GALNT16: variants seen among roughly 807,000 people sequenced by gnomAD.
GALNT16 encodes UDP-GalNAc:polypeptide N-acetylgalactosaminyltransferase-like protein 1.
GALNT16 carries 40 observed loss-of-function variants against 76.1 expected under a neutral mutation model. The observed-to-expected ratio is 0.53, with a 90% CI of 0.41 to 0.68. The LOEUF is 0.68. GALNT16 is among the 30% of genes least tolerant of loss of function. The pLI is 0.00. For synonymous variants in GALNT16, 276 were observed against 285.2 expected (o/e 0.97, Z 0.32); for missense variants, 621 against 731.9 (o/e 0.85, Z 1.75).
intron 3 of GALNT16, among the ~76,000 whole-genome samples, chr14:69,325,094 T>G (rs1490220832): frequency 1.3e-5 from 2 of 152,198 alleles, no homozygotes; most frequent in Non-Finnish European, 2.9e-5. Flanking sequence ...GCAGTGTCTG[T>G]CAGTGTCAGA....
At chr14:69,307,403 A>C (rs1044763627) in intron 1 of GALNT16, among the ~76,000 whole-genome samples, 2 of 152,192 alleles carry the variant, frequency 1.3e-5, no homozygotes, top group Admixed American at 6.5e-5. Context: ...ATCTGCAATA[A>C]ATATGTATTG....
At chr14:69,271,346 G>A (rs1157922646) in intron 1 of GALNT16, among the ~76,000 whole-genome samples, 2 of 152,326 alleles carry the variant, frequency 1.3e-5, no homozygotes, top group African/African-American at 2.4e-5. Flanking sequence ...GAAGGCCAGC[G>A]CTGGGGCAAA....
At chr14:69,263,768 A>T (rs74059925) in intron 1 of GALNT16, among the ~76,000 whole-genome samples, 1,925 of 152,338 alleles carry the variant, frequency 0.013, 45 homozygotes, top group African/African-American at 0.044. Flanking sequence ...TGTCGGCCCA[A>T]GTGTCACCAA....
rs1239622713 is a variant in GALNT16 at position 69,285,038 on chromosome 14, C to CTTTTTTTT, written c.177+24572_177+24573insTTTTTTTT. 6.1e-5 allele frequency among the ~76,000 whole-genome samples: 8 copies of CTTTTTTTT among 130,460 alleles called. 1 individual carries two copies. Among genetic ancestry groups the CTTTTTTTT allele is most frequent in the South Asian group, 2.7e-4 (1 of 3,696 alleles). The allele number at this position is 130,460 out of a possible 152,430, so 85.6% of individuals were successfully genotyped here. A position where few individuals can be genotyped will look rare whatever the true frequency, so the allele number is the denominator to read the frequency against. On this transcript the variant is annotated intron_variant, in intron 1 of 14. Coordinates refer to ENST00000448469, the MANE Select transcript of GALNT16 (RefSeq NM_001168368.2). ...TTTATATGTTACCCAGTCTCGGGCA[C>CTTTTTTTT]TCTTTTTTTTTTTTTTTTTTGAGAC...
the GALNT16 span, among the ~76,000 whole-genome samples, chr14:69,369,829 C>G: frequency 6.6e-6 from 1 of 152,142 alleles, no homozygotes; most frequent in African/African-American, 2.4e-5. Flanking sequence ...TCTAAGGTCC[C>G]CCTGAGGACA....
rs1366422538 is a variant in GALNT16 at position 69,330,629 on chromosome 14, G to C, written c.691-835G>C. ...CCCGGGCTTCCGTTATCCTGATCTA[G>C]GGTGGGAACTGAGGGGCAGAGCTGG... On this transcript the variant is annotated intron_variant, in intron 6 of 14. Transcript: ENST00000448469. Among the ~76,000 whole-genome samples, 3 of 152,222 alleles carry C rather than the reference G, an allele frequency of 2.0e-5. No homozygotes were observed. The East Asian group carries it at 5.8e-4, about 29-fold the overall frequency.
intron 1 of GALNT16, among the ~76,000 whole-genome samples, chr14:69,271,390 G>A (rs2044405845): frequency 6.6e-6 from 1 of 152,230 alleles, no homozygotes; most frequent in African/African-American, 2.4e-5. Flanking sequence ...GCCCAAGAAA[G>A]GGCCCTGGCA....
chr14:69,333,237 G>A lies in GALNT16; in HGVS notation c.863+68G>A. ...GGTCAGGGGCCTGGGAGGCTCTTGG[G>A]AGGCTGTATCGGTCGCTTGGGCTCC... On this transcript the variant is annotated intron_variant, in intron 8 of 14. Coordinates refer to ENST00000448469, the MANE Select transcript of GALNT16 (RefSeq NM_001168368.2). The surrounding 1 kb of genome is among the most constrained non-coding windows in gnomAD (Gnocchi z 4.2). 8.8e-7 allele frequency: 1 copy of A among 1,130,146 alleles called. No homozygotes were observed. Among genetic ancestry groups the A allele is most frequent in the Non-Finnish European group, 1.3e-6 (1 of 774,074 alleles). 70.0% of individuals were successfully genotyped at this position (1,130,146 alleles called of 1,614,324 possible). A position where few individuals can be genotyped will look rare whatever the true frequency, so the allele number is the denominator to read the frequency against.
At chr14:69,281,238 C>G (rs1157243546) in intron 1 of GALNT16, among the ~76,000 whole-genome samples, 1 of 152,226 alleles carries the variant, frequency 6.6e-6, no homozygotes, top group Non-Finnish European at 1.5e-5. Flanking sequence ...AAGCTTGACA[C>G]TTTCTCTGAT....
At chr14:69,273,919 G>GGA (rs2044438303) in intron 1 of GALNT16, among the ~76,000 whole-genome samples, 1 of 152,186 alleles carries the variant, frequency 6.6e-6, no homozygotes, top group South Asian at 2.1e-4. Context: ...CTTAAAAACA[G>GGA]GAGCTGTGGA....
Position 69,280,202 on chromosome 14 carries a change from C to T in GALNT16, c.177+19735C>T, listed in dbSNP as rs74520726. The stretch of plus-strand genomic sequence containing the variant: ...CCATTAAACACTAACTCCCCATTTC[C>T]CCTCTCCCTAGCCCTTGGAGGCTAC... On this transcript the variant is annotated intron_variant, in intron 1 of 14. Transcript: ENST00000448469. Among the ~76,000 whole-genome samples, 749 of 152,232 alleles carry T rather than the reference C, an allele frequency of 4.9e-3. 6 individuals are homozygous for T. The highest frequency in any genetic ancestry group is 0.017 in the African/African-American group (719 of 41,506).
chr14:69,373,543 G>T, the GALNT16 span, among the ~76,000 whole-genome samples: 1 of 152,142 alleles, frequency 6.6e-6, no homozygotes, highest in Non-Finnish European at 1.5e-5. Flanking sequence ...AAAAGAAAGG[G>T]TATGCTAGAT....
intron 1 of GALNT16, among the ~76,000 whole-genome samples, chr14:69,311,426 C>T (rs767268253): frequency 6.6e-6 from 1 of 152,198 alleles, no homozygotes; most frequent in Non-Finnish European, 1.5e-5. Context: ...TAAGTTTCAA[C>T]AGGAATTTTG....
chr14:69,380,625 G>C, the GALNT16 span: 1 of 1,608,378 alleles, frequency 6.2e-7, no homozygotes, highest in Admixed American at 1.7e-5. Flanking sequence ...GGTATGTCTG[G>C]GTATCAGCTC....
chr14:69,331,540 AC>A lies in GALNT16; in HGVS notation c.769del (p.Leu257PhefsTer22). The A allele has an allele frequency of 6.3e-7, 1 of 1,597,110 alleles. No individual in the cohort carries two copies. Among genetic ancestry groups the A allele is most frequent in the Non-Finnish European group, 8.6e-7 (1 of 1,164,422 alleles). ...DNFAYLAASADLRGGFDWSLH... is the reference protein window; with the variant it reads ...DNFAYLAASAXLRGGFDWSLH... The stretch of plus-strand genomic sequence containing the variant: ...TTTGCCTACCTTGCAGCATCTGCTG[AC>A]CTTCGTGGAGGTGAGTTCTGCTCCC... On this transcript the variant is annotated frameshift_variant, in exon 7 of 15. Coordinates refer to ENST00000448469, the MANE Select transcript of GALNT16 (RefSeq NM_001168368.2). LOFTEE classifies it high-confidence loss of function.
chr14:69,346,899 C>A (rs769601515), intron 12 of GALNT16, 141 bp from the exon 13 acceptor site: 15 of 925,566 alleles, frequency 1.6e-5, no homozygotes, highest in Middle Eastern at 2.7e-4. Flanking sequence ...CTCACCTCCC[C>A]CTGCTGGCCA....
intron 12 of GALNT16, among the ~76,000 whole-genome samples, chr14:69,342,349 C>T (rs547306709): frequency 3.6e-4 from 53 of 145,596 alleles, no homozygotes; most frequent in African/African-American, 1.2e-3. Context: ...CACTTGAGCC[C>T]AAAAGGTAGG....
intron 1 of GALNT16, among the ~76,000 whole-genome samples, chr14:69,291,439 A>G (rs1404982013): frequency 6.6e-6 from 1 of 152,210 alleles, no homozygotes; most frequent in Admixed American, 6.5e-5. Context: ...GGTGGCTTCC[A>G]GTAGACCAGC....
chr14:69,333,493 C>T lies in GALNT16; in HGVS notation c.864-4C>T, dbSNP rs1454781497. ...TGTTGCGTCTTCCCTCTCCTTGCTC[C>T]CAGGACGCCTGTCATAGCTGGAGGA... On this transcript the variant is annotated splice_region_variant and splice_polypyrimidine_tract_variant and intron_variant, in intron 8 of 14. Transcript: ENST00000448469. This position sits in a 1 kb window ranked among gnomAD's most constrained non-coding sequence, Gnocchi z 4.2. 6.3e-7 allele frequency: 1 copy of T among 1,594,524 alleles called. No individual in the cohort carries two copies. The highest frequency in any genetic ancestry group is 8.6e-7 in the Non-Finnish European group (1 of 1,162,616).
Sources: allele counts gnomAD v4.1 joint callset (sites outside exome capture counted in the v4.1 genomes callset), GRCh38; gene constraint gnomAD v4.1.1; non-coding constraint Gnocchi (gnomAD v3.1); transcripts MANE v1.5; gene names NCBI Gene and HGNC (gene_info 2026-07-23, HGNC 2026-07-21).